Variants in RABEP1 observed in about 807,000 individuals in gnomAD.
RABEP1 encodes rab GTPase-binding effector protein 1.
In RABEP1, 51 loss-of-function variants were observed where a neutral mutation model predicts 123.4. The ratio of observed to expected loss-of-function variants is 0.41; its 90% CI spans 0.33 to 0.52. The LOEUF is 0.52. Among genes scored for constraint, RABEP1 ranks in the 20% least tolerant of loss-of-function variants. The pLI is 0.16. For synonymous variants in RABEP1, 347 were observed against 355.2 expected (o/e 0.98, Z 0.26); for missense variants, 888 against 996.3 (o/e 0.89, Z 1.46).
At chr17:5,359,780 C>T (rs1250437438) in intron 8 of RABEP1, among the ~76,000 whole-genome samples, 1 of 151,970 alleles carries the variant, frequency 6.6e-6, no homozygotes, top group African/African-American at 2.4e-5. Context: ...AACAACAAAA[C>T]GTAGAAAGGA....
At chr17:5,315,140 GA>G (rs1793638992) in intron 2 of RABEP1, among the ~76,000 whole-genome samples, 2 of 152,284 alleles carry the variant, frequency 1.3e-5, no homozygotes, top group African/African-American at 4.8e-5. Flanking sequence ...TTTCAATAGT[GA>G]AAAGCTAGAT....
At chr17:5,327,651 T>C (rs1379606101) in intron 2 of RABEP1, among the ~76,000 whole-genome samples, 2 of 152,190 alleles carry the variant, frequency 1.3e-5, no homozygotes, top group Non-Finnish European at 2.9e-5. Context: ...GGTGCATACA[T>C]GAATTTTATA....
rs10600896 is a variant in RABEP1 at position 5,383,759 on chromosome 17, TTTATC to T, written c.*544_*548del. 0.61 allele frequency: 135,320 copies of T among 220,292 alleles called. 45,083 individuals are homozygous for T. The highest frequency in any genetic ancestry group is 0.97 in the East Asian group (14,064 of 14,430). 13.6% of individuals were successfully genotyped at this position (220,292 alleles called of 1,614,324 possible). ...CTGTATTTTGTTTTCCTTTTACCAT[TTTATC>T]TTATCTTGCTTTGGAGGACCTTAAA... is the stretch of plus-strand genomic sequence containing the variant. On this transcript the variant is annotated 3_prime_UTR_variant, in exon 18 of 18. Transcript: ENST00000537505.
In RABEP1 at chr17:5,323,741, A is replaced by AAT. The variant is rs201875067; in HGVS notation, c.164-8197_164-8196dup. Among the ~76,000 whole-genome samples the AAT allele has an allele frequency of 8.3e-3, 503 of 60,946 alleles. 95 individuals are homozygous for AAT. The highest frequency in any genetic ancestry group is 0.049 in the African/African-American group (423 of 8,670). 40.0% of individuals were successfully genotyped at this position (60,946 alleles called of 152,430 possible). A position where few individuals can be genotyped will look rare whatever the true frequency, so the allele number is the denominator to read the frequency against. On this transcript the variant is annotated intron_variant, in intron 2 of 17. Transcript: ENST00000537505. ...ATCTAGGAATATATATATATCTAGG[A>AAT]ATATATATATATCTAGGAATATATA...
rs1048190930 is a variant in RABEP1, at chr17:5,282,305, T to G, written c.-182T>G. The G allele has an allele frequency of 2.4e-6, 1 of 416,248 alleles. No homozygotes were observed. The highest frequency in any genetic ancestry group is 4.1e-6 in the Non-Finnish European group (1 of 241,572). The allele number at this position is 416,248 out of a possible 1,614,324, so 25.8% of individuals were successfully genotyped here. On this transcript the variant is annotated 5_prime_UTR_variant, in exon 1 of 18. Transcript: ENST00000537505. ...CGCTGTCAGGATGAGGAGGCGGAGG[T>G]CGGCGGTCGGGTCCGTCTCTGCCCG...
At chr17:5,359,511 A>T (rs1207145640) in intron 8 of RABEP1, among the ~76,000 whole-genome samples, 1 of 152,158 alleles carries the variant, frequency 6.6e-6, no homozygotes, top group Non-Finnish European at 1.5e-5. Flanking sequence ...GGCTTATCCC[A>T]GTTTTTATTA....
rs369770514 is a variant in RABEP1 at position 5,351,175 on chromosome 17, T to C, written c.963+546T>C. 1.5e-4 allele frequency among the ~76,000 whole-genome samples: 23 copies of C among 152,248 alleles called. No individual in the cohort carries two copies. The East Asian group carries it at 4.4e-3, about 29-fold the overall frequency. On this transcript the variant is annotated intron_variant, in intron 7 of 17. Coordinates refer to ENST00000537505, the MANE Select transcript of RABEP1 (RefSeq NM_004703.6). ...AAGAGCTCTACTAGGTGACATGATA[T>C]GAATGGAGAGGCTGAGTAATAGGAG...
chr17:5,367,539 G>A (rs775587659), intron 11 of RABEP1, among the ~76,000 whole-genome samples: 6 of 151,736 alleles, frequency 4.0e-5, no homozygotes, highest in African/African-American at 7.2e-5. Context: ...AAAGTGCTAG[G>A]ATTACAGGCG....
intron 3 of RABEP1, among the ~76,000 whole-genome samples, chr17:5,334,819 T>C (rs1906909108): frequency 6.6e-6 from 1 of 152,230 alleles, no homozygotes; most frequent in African/African-American, 2.4e-5. Flanking sequence ...ACATGTTATA[T>C]TTGCCTTGGG....
Position 5,373,434 on chromosome 17 carries a change from A to G in RABEP1, c.2005A>G (p.Ile669Val), listed in dbSNP as rs1356140637. The G allele has an allele frequency of 1.2e-6, 2 of 1,612,160 alleles. No homozygotes were observed. The highest frequency in any genetic ancestry group is 2.2e-5 in the East Asian group (1 of 44,792). Reference protein sequence around the residue: ...HVSLQQAEDFILPDTTEALRE... With the variant: ...HVSLQQAEDFVLPDTTEALRE... ...GTCATTACAGCAAGCAGAAGACTTC[A>G]TCCTCCCAGACACTACAGAGGTAAC... is the stretch of plus-strand genomic sequence containing the variant. Residue 669 changes from isoleucine (I) to valine (V), a missense_variant, in exon 13 of 18, where the codon ATC becomes GTC. By Grantham distance (29) the Ile-to-Val change is conservative (BLOSUM62 3). Coordinates refer to ENST00000537505, the MANE Select transcript of RABEP1 (RefSeq NM_004703.6).
rs147706809 is a variant in RABEP1, at chr17:5,340,370, A to G, written c.648+2232A>G. Among the ~76,000 whole-genome samples, 3 of 152,302 alleles carry G rather than the reference A, an allele frequency of 2.0e-5. No homozygotes were observed. In the East Asian group the frequency reaches 5.8e-4, roughly 29 times the overall value. On this transcript the variant is annotated intron_variant, in intron 5 of 17. Transcript: ENST00000537505. ...CATATGGCTATTATGAGGAACATAT[A>G]AATTAATCCCTATAGTAGCCACTGT...
intron 12 of RABEP1, among the ~76,000 whole-genome samples, chr17:5,372,038 T>G (rs1003194274): frequency 1.3e-4 from 20 of 152,116 alleles, no homozygotes; most frequent in Admixed American, 1.0e-3. Context: ...TGTAGAGCTT[T>G]ATCTGATACT....
intron 2 of RABEP1, among the ~76,000 whole-genome samples, chr17:5,312,499 C>G (rs2075254261): frequency 6.6e-6 from 1 of 152,092 alleles, no homozygotes; most frequent in Non-Finnish European, 1.5e-5. Context: ...TAGTAAAATA[C>G]TATATGATGG....
At chr17:5,302,714 G>C (rs1019928322) in intron 1 of RABEP1, among the ~76,000 whole-genome samples, 3 of 150,566 alleles carry the variant, frequency 2.0e-5, no homozygotes, top group Non-Finnish European at 4.4e-5. Context: ...TTTTAGTAGA[G>C]ATGGGATCTC....
chr17:5,335,437 T>C, intron 4 of RABEP1, 93 bp downstream of exon 4: 2 of 1,080,832 alleles, frequency 1.9e-6, no homozygotes, highest in Non-Finnish European at 2.7e-6. Flanking sequence ...AGAAGTACTT[T>C]GATATTTCCT....
intron 2 of RABEP1, among the ~76,000 whole-genome samples, chr17:5,321,916 A>G (rs1183322471): frequency 6.6e-6 from 1 of 152,066 alleles, no homozygotes; most frequent in Non-Finnish European, 1.5e-5. Context: ...ATTAGCCAGG[A>G]AGCTGGGTGC....
Position 5,282,477 on chromosome 17 carries a change from C to A in RABEP1, c.-10C>A, listed in dbSNP as rs1452865458. ...GCCCATCCCCGCTCCCCGAGGCCGG[C>A]CGCCTGGTCATGGCGCAGCCGGGCC... On this transcript the variant is annotated 5_prime_UTR_variant, in exon 1 of 18. Coordinates refer to ENST00000537505, the MANE Select transcript of RABEP1 (RefSeq NM_004703.6). 17 of 1,341,076 alleles carry A rather than the reference C, an allele frequency of 1.3e-5. No individual in the cohort carries two copies. Among genetic ancestry groups the A allele is most frequent in the Non-Finnish European group, 1.5e-5 (16 of 1,041,176 alleles). The allele number at this position is 1,341,076 out of a possible 1,614,324, so 83.1% of individuals were successfully genotyped here. A position where few individuals can be genotyped will look rare whatever the true frequency, so the allele number is the denominator to read the frequency against.
At chr17:5,302,260 A>ATTTTTTTTTT in intron 1 of RABEP1, among the ~76,000 whole-genome samples, 1 of 22,504 alleles carries the variant, frequency 4.4e-5, no homozygotes. Context: ...TTTTTTTTTG[A>ATTTTTTTTTT]GATGGAGTCT....
intron 5 of RABEP1, among the ~76,000 whole-genome samples, chr17:5,341,472 CT>C (rs1907601785): frequency 1.3e-5 from 2 of 152,238 alleles, no homozygotes; most frequent in African/African-American, 4.8e-5. Context: ...TGTCTCTTGC[CT>C]CCTCTCACCA....
Sources: allele counts gnomAD v4.1 joint callset (sites outside exome capture counted in the v4.1 genomes callset), GRCh38; gene constraint gnomAD v4.1.1; transcripts MANE v1.5; gene names NCBI Gene and HGNC (gene_info 2026-07-23, HGNC 2026-07-21).